KLHL1: variants seen among roughly 807,000 people sequenced by gnomAD.
The protein encoded by KLHL1 is kelch-like protein 1.
A neutral mutation model predicts 77.7 loss-of-function variants in KLHL1; 47 were observed. That is an observed-to-expected ratio of 0.60 (90% CI 0.48 to 0.77). The LOEUF is 0.77. Ranked by LOEUF, KLHL1 falls within the 30% of genes least tolerant of loss-of-function variation. The pLI, the probability that KLHL1 is intolerant of heterozygous loss-of-function variation, is 0.00. For synonymous variants in KLHL1, 360 were observed against 325.2 expected (o/e 1.11, Z -1.15); for missense variants, 925 against 910.8 (o/e 1.02, Z -0.20).
intron 7 of KLHL1, among the ~76,000 whole-genome samples, chr13:69,773,780 T>C (rs1875690724): frequency 6.6e-6 from 1 of 151,680 alleles, no homozygotes; most frequent in Non-Finnish European, 1.5e-5. Flanking sequence ...TCTGTTGCTC[T>C]ATTACATGCA....
chr13:69,949,341 A>G (rs1439373154), intron 3 of KLHL1, among the ~76,000 whole-genome samples: 2 of 151,206 alleles, frequency 1.3e-5, no homozygotes, highest in African/African-American at 4.9e-5. Context: ...AATGATTTTG[A>G]CAGTTTTGAG....
intron 6 of KLHL1, among the ~76,000 whole-genome samples, chr13:69,813,501 C>CAT (rs757879666): frequency 0.018 from 2,745 of 148,990 alleles, 53 homozygotes; most frequent in Middle Eastern, 0.048. Context: ...CACACACACA[C>CAT]ACATATATAT....
chr13:69,887,578 C>A (rs190370769), intron 4 of KLHL1, among the ~76,000 whole-genome samples: 136 of 152,246 alleles, frequency 8.9e-4, no homozygotes, highest in Non-Finnish European at 1.5e-3. Context: ...AGTGTTTTGC[C>A]ACTCACAAGT....
chr13:70,041,890 T>G (rs985757285), intron 1 of KLHL1, among the ~76,000 whole-genome samples: 9 of 152,138 alleles, frequency 5.9e-5, no homozygotes, highest in African/African-American at 2.2e-4. Flanking sequence ...ATGGACGTCT[T>G]GGCTCCATTT....
chr13:70,054,845 T>C (rs1886705992), intron 1 of KLHL1, among the ~76,000 whole-genome samples: 1 of 151,234 alleles, frequency 6.6e-6, no homozygotes, highest in Non-Finnish European at 1.5e-5. Flanking sequence ...TTAGTGAGCT[T>C]GGAGACAAGT....
chr13:70,055,876 T>A (rs1055664104), intron 1 of KLHL1, among the ~76,000 whole-genome samples: 1 of 151,516 alleles, frequency 6.6e-6, no homozygotes, highest in Non-Finnish European at 1.5e-5. Flanking sequence ...AAAATCACTT[T>A]CAGAAAAAGG....
chr13:69,836,885 TTAA>T, intron 6 of KLHL1, among the ~76,000 whole-genome samples: 1 of 151,836 alleles, frequency 6.6e-6, no homozygotes, highest in Non-Finnish European at 1.5e-5. Flanking sequence ...AAGAGAGGTA[TTAA>T]TATATCAGTA....
At chr13:70,097,801 T>C (rs947286459) in intron 1 of KLHL1, among the ~76,000 whole-genome samples, 2 of 151,884 alleles carry the variant, frequency 1.3e-5, no homozygotes, top group African/African-American at 4.8e-5. Context: ...GTTCCCCTGA[T>C]ACTGTTCTTC....
At chr13:69,935,223 A>C (rs74090610) in intron 4 of KLHL1, among the ~76,000 whole-genome samples, 1,648 of 142,272 alleles carry the variant, frequency 0.012, 37 homozygotes, top group African/African-American at 0.032. Flanking sequence ...TGAACTTGGT[A>C]CATAGTTCAC....
At chr13:69,907,155 T>C (rs1479091046) in intron 4 of KLHL1, among the ~76,000 whole-genome samples, 3 of 152,030 alleles carry the variant, frequency 2.0e-5, no homozygotes, top group East Asian at 1.9e-4. Flanking sequence ...ATAGGTTCAT[T>C]GGTGGCTTAT....
chr13:69,734,157 A>G (rs956388773), intron 8 of KLHL1, among the ~76,000 whole-genome samples: 2 of 152,134 alleles, frequency 1.3e-5, no homozygotes, highest in African/African-American at 2.4e-5. Context: ...CTGTCCTTAC[A>G]ATAATGAGTG....
chr13:69,977,886 A>G (rs1393054784), intron 1 of KLHL1, among the ~76,000 whole-genome samples: 2 of 152,308 alleles, frequency 1.3e-5, no homozygotes, highest in African/African-American at 2.4e-5. Flanking sequence ...ATCCGAAAAA[A>G]TTGACAGAGA....
intron 9 of KLHL1, among the ~76,000 whole-genome samples, chr13:69,712,792 T>C (rs1356853303): frequency 6.7e-6 from 1 of 149,734 alleles, no homozygotes; most frequent in African/African-American, 2.5e-5. Flanking sequence ...GTTTTGTTTG[T>C]TTGCTTATTT....
chr13:69,860,008 C>A (rs1436849636), intron 5 of KLHL1, among the ~76,000 whole-genome samples: 1 of 152,010 alleles, frequency 6.6e-6, no homozygotes, highest in Admixed American at 6.6e-5. Context: ...GACTTATTCA[C>A]CCGTTACAAA....
intron 1 of KLHL1, among the ~76,000 whole-genome samples, chr13:70,046,930 CA>C (rs1440585989): frequency 2.6e-5 from 4 of 152,160 alleles, no homozygotes; most frequent in Non-Finnish European, 5.9e-5. Context: ...ATCCTCCTTT[CA>C]CAGTAACAAA....
At chr13:69,978,617 G>T (rs2137295916) in intron 1 of KLHL1, among the ~76,000 whole-genome samples, 1 of 151,872 alleles carries the variant, frequency 6.6e-6, no homozygotes, top group East Asian at 2.0e-4. Flanking sequence ...CTCCTGAGTA[G>T]CTGGGATTAC....
At chr13:69,933,751 ATCT>A (rs1593962555) in intron 4 of KLHL1, among the ~76,000 whole-genome samples, 1 of 151,978 alleles carries the variant, frequency 6.6e-6, no homozygotes, top group East Asian at 1.9e-4. Flanking sequence ...ACCTAATGAA[ATCT>A]TCTAAGTCAT....
chr13:70,023,800 G>T (rs1156503551), intron 1 of KLHL1, among the ~76,000 whole-genome samples: 1 of 151,696 alleles, frequency 6.6e-6, no homozygotes, highest in Non-Finnish European at 1.5e-5. Context: ...GCCAGTAAAT[G>T]GTTCTTCAGA....
At chr13:70,040,642 T>C (rs1374911333) in intron 1 of KLHL1, among the ~76,000 whole-genome samples, 1 of 152,152 alleles carries the variant, frequency 6.6e-6, no homozygotes, top group Non-Finnish European at 1.5e-5. Context: ...AAATTTTCTA[T>C]TTGTCTTTAG....
Sources: allele counts gnomAD v4.1 joint callset (sites outside exome capture counted in the v4.1 genomes callset), GRCh38; gene constraint gnomAD v4.1.1; transcripts MANE v1.5; gene names NCBI Gene and HGNC (gene_info 2026-07-23, HGNC 2026-07-21).